Variants in THSD4 observed in about 807,000 individuals in gnomAD.
THSD4 encodes the protein thrombospondin type 1 domain containing 4, also known as thrombospondin type-1 domain-containing protein 4.
THSD4 carries 69 observed loss-of-function variants against 119.0 expected under a neutral mutation model. That is an observed-to-expected ratio of 0.58 (90% confidence interval 0.48 to 0.71). THSD4 has a LOEUF of 0.71. THSD4 is among the 30% of genes least tolerant of loss of function. The pLI, the probability that THSD4 is intolerant of heterozygous loss-of-function variation, is 0.00. For synonymous variants in THSD4, 524 were observed against 540.4 expected (o/e 0.97, Z 0.42); for missense variants, 1,393 against 1,391.1 (o/e 1.00, Z -0.02).
At chr15:71,592,274 C>T (rs1684247623) in intron 7 of THSD4, among the ~76,000 whole-genome samples, 1 of 152,212 alleles carries the variant, frequency 6.6e-6, no homozygotes, top group South Asian at 2.1e-4. Flanking sequence ...GGTGAATGCC[C>T]TGTTCCCCCA....
intron 7 of THSD4, among the ~76,000 whole-genome samples, chr15:71,532,732 C>T (rs1290301244): frequency 2.0e-5 from 3 of 152,154 alleles, no homozygotes; most frequent in African/African-American, 4.8e-5. Flanking sequence ...TTAAAACATG[C>T]AAAGCCATTT....
At chr15:71,524,854 C>T (rs1052194984) in intron 7 of THSD4, among the ~76,000 whole-genome samples, 7 of 150,184 alleles carry the variant, frequency 4.7e-5, no homozygotes, top group Non-Finnish European at 1.0e-4. Flanking sequence ...CCTTGTGATC[C>T]GCCTGCCTCG....
At position 71,651,440 on chromosome 15, in the gene THSD4, G is replaced by A. The variant is rs550369782; in HGVS notation, c.1153-9090G>A. On this transcript the variant is annotated intron_variant, in intron 7 of 17. Transcript: ENST00000261862. ...TGCCATTTCCCACTCAAGAGTCTTCGGATTTAAGATCCCACACTTTCGTTG... is the reference window on the plus strand; with the variant it reads ...TGCCATTTCCCACTCAAGAGTCTTCAGATTTAAGATCCCACACTTTCGTTG... Among the ~76,000 whole-genome samples the A allele has an allele frequency of 7.9e-5, 12 of 152,140 alleles. No homozygotes were observed. In the South Asian group the frequency reaches 1.2e-3, roughly 16 times the overall value.
chr15:71,345,257 G>A (rs1566948463), intron 6 of THSD4, among the ~76,000 whole-genome samples: 2 of 152,046 alleles, frequency 1.3e-5, no homozygotes, highest in Non-Finnish European at 2.9e-5. Context: ...AGGAGGAGTT[G>A]TATACTTGTG....
upstream of THSD4, chr15:71,111,629 C>T (rs1273617139): frequency 6.9e-6 from 4 of 582,880 alleles, no homozygotes; most frequent in Admixed American, 9.4e-5. Context: ...AGTTTACAAC[C>T]AGGAAAATGA....
intron 8 of THSD4, among the ~76,000 whole-genome samples, chr15:71,690,120 A>G (rs956815099): frequency 1.3e-5 from 2 of 152,202 alleles, no homozygotes; most frequent in African/African-American, 2.4e-5. Context: ...AAATAAGTCA[A>G]ATTTCAGCCA....
intron 8 of THSD4, among the ~76,000 whole-genome samples, chr15:71,698,250 G>T (rs1393631823): frequency 6.6e-6 from 1 of 152,206 alleles, no homozygotes; most frequent in African/African-American, 2.4e-5. Context: ...CAACCATCTG[G>T]AATGTAGTCA....
chr15:71,516,602 C>CTT (rs1358283867), intron 7 of THSD4, among the ~76,000 whole-genome samples: 2 of 152,122 alleles, frequency 1.3e-5, no homozygotes, highest in Admixed American at 6.5e-5. Flanking sequence ...TTATTTTCAA[C>CTT]TTTTATTTTA....
intron 7 of THSD4, among the ~76,000 whole-genome samples, chr15:71,426,414 C>T (rs2046869455): frequency 6.9e-6 from 1 of 144,632 alleles, no homozygotes; most frequent in African/African-American, 2.7e-5. Context: ...TGTTCAGGTG[C>T]TGAATGTCCA....
chr15:71,312,324 T>C (rs2045121940), intron 6 of THSD4, among the ~76,000 whole-genome samples: 1 of 151,826 alleles, frequency 6.6e-6, no homozygotes, highest in Admixed American at 6.6e-5. Context: ...CAAGACTCTG[T>C]CTCGAGGCAG....
At chr15:71,551,896 C>G (rs188991350) in intron 7 of THSD4, among the ~76,000 whole-genome samples, 373 of 152,258 alleles carry the variant, frequency 2.4e-3, no homozygotes, top group African/African-American at 8.8e-3. Flanking sequence ...AGCAAGCCAC[C>G]CTTACCAGTT....
intron 7 of THSD4, among the ~76,000 whole-genome samples, chr15:71,620,580 C>G (rs2050403153): frequency 6.6e-6 from 1 of 152,236 alleles, no homozygotes; most frequent in Non-Finnish European, 1.5e-5. Context: ...AGCAGGGCAC[C>G]AAGAGTAGCT....
At chr15:71,733,585 C>T (rs972088420) in intron 10 of THSD4, 1 of 152,100 alleles carries the variant, frequency 6.6e-6, no homozygotes, top group African/African-American at 2.4e-5. Flanking sequence ...ATATTTTAAA[C>T]CATGAAGCAT....
intron 4 of THSD4, 152 bp from the exon 5 acceptor site, chr15:71,242,497 A>G (rs1045885967): frequency 1.0e-5 from 8 of 790,220 alleles, no homozygotes; most frequent in Admixed American, 7.1e-5. Flanking sequence ...GGTGCCTTCT[A>G]AAATGCGTTC....
intron 6 of THSD4, among the ~76,000 whole-genome samples, chr15:71,384,115 C>A (rs546982359): frequency 9.9e-5 from 15 of 152,214 alleles, no homozygotes; most frequent in Admixed American, 7.2e-4. Flanking sequence ...CGCGGTGGCT[C>A]ACGCCTGTAA....
At chr15:71,656,660 C>T (rs572189255) in intron 7 of THSD4, among the ~76,000 whole-genome samples, 168 of 152,282 alleles carry the variant, frequency 1.1e-3, no homozygotes, top group African/African-American at 3.9e-3. Flanking sequence ...ACCTCCGATC[C>T]TTTGACCTCC....
intron 8 of THSD4, among the ~76,000 whole-genome samples, chr15:71,674,399 T>C (rs2141019030): frequency 6.6e-6 from 1 of 152,358 alleles, no homozygotes; most frequent in South Asian, 2.1e-4. Context: ...CATAGAACTA[T>C]TACCTTTAAA....
chr15:71,733,412 G>C (rs2053019966), intron 10 of THSD4: 1 of 152,144 alleles, frequency 6.6e-6, no homozygotes, highest in Non-Finnish European at 1.5e-5. Context: ...GCAGGGGAGA[G>C]GACATGGGAA....
intron 7 of THSD4, among the ~76,000 whole-genome samples, chr15:71,654,547 G>T (rs2051152546): frequency 6.6e-6 from 1 of 152,132 alleles, no homozygotes; most frequent in African/African-American, 2.4e-5. Context: ...GGATCAAACG[G>T]TCTATATTGC....
Sources: allele counts gnomAD v4.1 joint callset (sites outside exome capture counted in the v4.1 genomes callset), GRCh38; gene constraint gnomAD v4.1.1; transcripts MANE v1.5; gene names NCBI Gene and HGNC (gene_info 2026-07-23, HGNC 2026-07-21).